The following OPHN1 variants were observed in gnomAD, a reference collection of about 807,000 sequenced individuals.
The protein encoded by OPHN1 is oligophrenin 1.
A neutral mutation model predicts 60.7 loss-of-function variants in OPHN1; 11 were observed. The ratio of observed to expected loss-of-function variants is 0.18; its 90% confidence interval spans 0.11 to 0.30. OPHN1 has a LOEUF of 0.30. Among genes scored for constraint, OPHN1 ranks in the 10% least tolerant of loss-of-function variants. OPHN1 has a pLI of 1.00. For synonymous variants in OPHN1, 226 were observed against 222.6 expected (o/e 1.02, Z -0.14); for missense variants, 449 against 611.0 (o/e 0.73, Z 2.80).
chrX:68,366,338 T>G (rs2078498863), intron 2 of OPHN1, among the ~76,000 whole-genome samples: 1 of 111,133 alleles, frequency 9.0e-6, no homozygotes, highest in African/African-American at 3.3e-5. Context: ...TGACTTTTTT[T>G]TCTAAATTGA....
intron 3 of OPHN1, among the ~76,000 whole-genome samples, chrX:68,295,043 C>T (rs772365154): frequency 2.2e-4 from 25 of 111,431 alleles, no homozygotes; most frequent in Non-Finnish European, 4.1e-4. Context: ...TTACAAAATG[C>T]TCGCTGATGT....
At chrX:68,338,587 C>T (rs1458302634) in intron 2 of OPHN1, among the ~76,000 whole-genome samples, 4 of 111,629 alleles carry the variant, frequency 3.6e-5, no homozygotes, top group Non-Finnish European at 1.9e-5. Context: ...CCAACTCAGT[C>T]TGTAAGGCCA....
At chrX:68,290,271 G>A (rs2078064488) in intron 3 of OPHN1, among the ~76,000 whole-genome samples, 4 of 110,977 alleles carry the variant, frequency 3.6e-5, no homozygotes, top group African/African-American at 3.3e-5. Flanking sequence ...ACCAGTCTGG[G>A]CAACATGATG....
At chrX:68,422,850 G>A (rs937527427) in intron 2 of OPHN1, among the ~76,000 whole-genome samples, 1 of 108,449 alleles carries the variant, frequency 9.2e-6, no homozygotes, top group Non-Finnish European at 1.9e-5. Context: ...AAGGAAAAGA[G>A]AAAAGAAAAG....
chrX:68,157,601 T>C (rs1417375934), intron 15 of OPHN1, among the ~76,000 whole-genome samples: 1 of 111,329 alleles, frequency 9.0e-6, no homozygotes, highest in African/African-American at 3.3e-5. Context: ...GAGGAGGGCG[T>C]GGGTTGAAAA....
At chrX:68,287,236 G>GAGGGA (rs1162511676) in intron 3 of OPHN1, among the ~76,000 whole-genome samples, 2 of 97,241 alleles carry the variant, frequency 2.1e-5, no homozygotes, top group African/African-American at 3.9e-5. Context: ...AAGAAGGAAG[G>GAGGGA]AGGGAAGGGA....
At chrX:68,096,644 C>A (rs949525910) in intron 19 of OPHN1, among the ~76,000 whole-genome samples, 1 of 111,591 alleles carries the variant, frequency 9.0e-6, no homozygotes, top group Non-Finnish European at 1.9e-5. Context: ...TCATTACCCC[C>A]AGTATTTAGC....
chrX:68,102,883 G>T (rs1249400508), intron 18 of OPHN1, among the ~76,000 whole-genome samples: 1 of 111,500 alleles, frequency 9.0e-6, no homozygotes, highest in Non-Finnish European at 1.9e-5. Flanking sequence ...GGCAGAAATT[G>T]ATAGCCTACC....
intron 15 of OPHN1, among the ~76,000 whole-genome samples, chrX:68,125,890 T>A (rs1174145078): frequency 2.7e-4 from 21 of 77,443 alleles, no homozygotes; most frequent in African/African-American, 9.5e-4. Flanking sequence ...AAAAACAAAC[T>A]AACAAACAAA....
intron 2 of OPHN1, among the ~76,000 whole-genome samples, chrX:68,360,188 T>C (rs1051477361): frequency 1.9e-4 from 21 of 110,903 alleles, no homozygotes; most frequent in African/African-American, 6.9e-4. Flanking sequence ...TTTTGTTTTG[T>C]CTTTTTTAGA....
chrX:68,320,257 G>C (rs756369215), intron 2 of OPHN1, among the ~76,000 whole-genome samples: 1 of 111,196 alleles, frequency 9.0e-6, no homozygotes, highest in East Asian at 2.9e-4. Context: ...GCTGAGGCAG[G>C]AGAATCGCTT....
intron 2 of OPHN1, among the ~76,000 whole-genome samples, chrX:68,422,293 G>A (rs888640856): frequency 9.1e-6 from 1 of 110,031 alleles, no homozygotes; most frequent in Non-Finnish European, 1.9e-5. Context: ...GGCTGAGGTG[G>A]AGGATCGCTT....
chrX:68,077,830 G>A lies in OPHN1; in HGVS notation c.1687-4531C>T, dbSNP rs185203277. Among the ~76,000 whole-genome samples the A allele has an allele frequency of 8.6e-3, 964 of 111,693 alleles. 14 individuals are homozygous for A. The highest frequency in any genetic ancestry group is 0.03 in the African/African-American group (920 of 30,748). ...TGATTTTTTAAAACATAATAAAAAT[G>A]AAAACAAGGACACCCTCTAAAATAT... On this transcript the variant is annotated intron_variant, in intron 19 of 24. Transcript: ENST00000355520.
intron 21 of OPHN1, among the ~76,000 whole-genome samples, chrX:68,063,531 A>C (rs5919516): frequency 0.038 from 4,244 of 111,448 alleles, 93 homozygotes; most frequent in Non-Finnish European, 0.06. Context: ...AAAAAAAAAA[A>C]AAAAGAAAAT....
At chrX:68,093,992 C>T (rs1346627019) in intron 19 of OPHN1, among the ~76,000 whole-genome samples, 1 of 110,044 alleles carries the variant, frequency 9.1e-6, no homozygotes, top group African/African-American at 3.3e-5. Flanking sequence ...AAGTCCTAGG[C>T]TCTAACAGTT....
chrX:68,137,718 C>T (rs990884063), intron 15 of OPHN1, among the ~76,000 whole-genome samples: 5 of 111,462 alleles, frequency 4.5e-5, no homozygotes, highest in African/African-American at 9.8e-5. Flanking sequence ...CTTTAAAAAT[C>T]GGGATTCTGT....
intron 2 of OPHN1, among the ~76,000 whole-genome samples, chrX:68,410,871 C>G (rs897513037): frequency 9.0e-6 from 1 of 111,663 alleles, no homozygotes; most frequent in Non-Finnish European, 1.9e-5. Context: ...TGGAAGCAAC[C>G]TAAGTGTCCA....
At chrX:68,382,415 G>A (rs1340873558) in intron 2 of OPHN1, among the ~76,000 whole-genome samples, 2 of 111,471 alleles carry the variant, frequency 1.8e-5, no homozygotes, top group Non-Finnish European at 3.8e-5. Flanking sequence ...TAGAATCTAG[G>A]ATTCACCATG....
chrX:68,235,626 T>G (rs1602260501), intron 5 of OPHN1, among the ~76,000 whole-genome samples: 1 of 104,656 alleles, frequency 9.6e-6, no homozygotes, highest in Admixed American at 1.0e-4. Context: ...TCACCTGAGG[T>G]CAGGAGTTCG....
Sources: gnomAD v4.1 joint callset for allele counts (sites outside exome capture counted in the v4.1 genomes callset) on GRCh38, gnomAD v4.1.1 for gene constraint, MANE v1.5 for transcripts, NCBI Gene and HGNC (gene_info 2026-07-23, HGNC 2026-07-21) for gene names.